Variants in RIC3 observed in about 807,000 individuals in gnomAD.
The protein encoded by RIC3 is protein RIC-3.
In RIC3, 28 loss-of-function variants were observed where a neutral mutation model predicts 27.3. That is an observed-to-expected ratio of 1.02 (90% CI 0.76 to 1.41). The LOEUF is 1.41. RIC3 is among the 40% of genes most tolerant of loss of function. The probability of loss-of-function intolerance (pLI) is 0.00; values close to 1 mark genes in which losing one functional copy is unlikely to be tolerated. For synonymous variants in RIC3, 184 were observed against 160.4 expected, an observed-to-expected ratio of 1.15 and a Z score of -1.11; for missense variants, 501 against 444.7, an observed-to-expected ratio of 1.13 and a Z score of -1.14.
chr11:8,132,369 C>T (rs1045401232), intron 4 of RIC3, among the ~76,000 whole-genome samples: 1 of 152,186 alleles, frequency 6.6e-6, no homozygotes, highest in Non-Finnish European at 1.5e-5. Context: ...TCGTTACATT[C>T]CTCCTCAAAA....
chr11:8,130,287 A>G (rs1947533342), intron 4 of RIC3, among the ~76,000 whole-genome samples: 1 of 152,170 alleles, frequency 6.6e-6, no homozygotes, highest in Non-Finnish European at 1.5e-5. Flanking sequence ...GGCCAACTGT[A>G]CTTTTGGACC....
intron 4 of RIC3, among the ~76,000 whole-genome samples, chr11:8,127,405 A>G (rs1373556171): frequency 6.6e-6 from 1 of 152,214 alleles, no homozygotes. Context: ...TTGTTTATAT[A>G]TTCATACTGC....
downstream of RIC3, chr11:8,101,630 G>A (rs149559720): frequency 2.7e-3 from 4,372 of 1,613,822 alleles, 12 homozygotes; most frequent in Non-Finnish European, 3.0e-3. Context: ...AGGCCTCTTC[G>A]TGCCCTTTGG....
intron 1 of RIC3, among the ~76,000 whole-genome samples, chr11:8,159,069 C>T (rs77763969): frequency 0.047 from 7,145 of 151,074 alleles, 262 homozygotes; most frequent in African/African-American, 0.1. Context: ...AGACAATAAA[C>T]AAGATAATGA....
chr11:8,148,515 T>C (rs1331294070), intron 1 of RIC3, among the ~76,000 whole-genome samples: 1 of 152,190 alleles, frequency 6.6e-6, no homozygotes, highest in Non-Finnish European at 1.5e-5. Context: ...GTGTTGAGAA[T>C]ACTATCTTCA....
At chr11:8,135,499 G>GT (rs1948282183) in intron 4 of RIC3, 2 of 152,204 alleles carry the variant, frequency 1.3e-5, no homozygotes, top group South Asian at 2.1e-4. Flanking sequence ...CTTTAAAGTA[G>GT]TTTTTTCCAA....
rs368642977 is a variant in RIC3 at position 8,110,664 on chromosome 11, G to T, written c.*34C>A. On this transcript the variant is annotated 3_prime_UTR_variant, in exon 6 of 6. Coordinates refer to ENST00000309737, the MANE Select transcript of RIC3 (RefSeq NM_001206671.4). Reference sequence around the variant, plus strand: ...TCTGAGGAGAGAGAGGTCACCTTGGGACTTGAGTAATGGATACTTCAGACT... The same window carrying T: ...TCTGAGGAGAGAGAGGTCACCTTGGTACTTGAGTAATGGATACTTCAGACT... The T allele has an allele frequency of 1.9e-5, 30 of 1,589,720 alleles. No homozygotes were observed. The African/African-American group carries it at 2.3e-4, about 12-fold the overall frequency.
chr11:8,138,471 G>C, intron 2 of RIC3, 124 bp from the exon 3 acceptor site: 1 of 560,788 alleles, frequency 1.8e-6, no homozygotes, highest in Admixed American at 3.0e-5. Flanking sequence ...AAATCAAATA[G>C]CAACACTAGA....
Position 8,140,044 on chromosome 11 carries a change from C to T in RIC3, c.274G>A (p.Gly92Arg), listed in dbSNP as rs1413264607. The change falls in exon 2 of 6, where the codon GGA becomes AGA. Residue 92 changes from glycine to arginine, a missense_variant. Gly to Arg is a moderately radical substitution (Grantham distance 125). Transcript: ENST00000309737. ...SGGGAGGGGS[G>R]RGLMGQIIPI... ...ATAATCTGCCCCATCAGACCTCTTC[C>T]ACTACCTCCTCCTCCAGCACCTCCA... 1 of 1,614,058 alleles carries T rather than the reference C, an allele frequency of 6.2e-7. No homozygotes were observed. Among genetic ancestry groups the T allele is most frequent in the Non-Finnish European group, 8.5e-7 (1 of 1,180,020 alleles).
chr11:8,149,931 G>C (rs866553863), intron 1 of RIC3, among the ~76,000 whole-genome samples: 7 of 152,112 alleles, frequency 4.6e-5, no homozygotes, highest in African/African-American at 1.7e-4. Context: ...AATGGTTCTG[G>C]CTGGTCTACA....
intron 1 of RIC3, among the ~76,000 whole-genome samples, chr11:8,162,252 T>C (rs1179053727): frequency 6.6e-6 from 1 of 152,208 alleles, no homozygotes; most frequent in African/African-American, 2.4e-5. Flanking sequence ...ACAGGGTCTT[T>C]TCATTTACAC....
intron 4 of RIC3, among the ~76,000 whole-genome samples, chr11:8,131,937 T>C (rs1362456200): frequency 3.4e-5 from 5 of 149,166 alleles, no homozygotes; most frequent in Non-Finnish European, 7.4e-5. Context: ...AGAATAGGTA[T>C]TCTAATTCAA....
chr11:8,157,860 G>GA (rs1950806935), intron 1 of RIC3, among the ~76,000 whole-genome samples: 1 of 152,122 alleles, frequency 6.6e-6, no homozygotes, highest in African/African-American at 2.4e-5. Context: ...TTCTAAACTT[G>GA]AAAAAATGCC....
intron 1 of RIC3, among the ~76,000 whole-genome samples, chr11:8,155,055 C>T (rs550514541): frequency 9.2e-5 from 14 of 151,838 alleles, no homozygotes; most frequent in South Asian, 8.4e-4. Flanking sequence ...CTCCTCTCTA[C>T]GAAAAACTTT....
Position 8,108,595 on chromosome 11 carries a change from CAA to C in RIC3, c.*2101_*2102del, listed in dbSNP as rs1280533889. 1 of 152,176 alleles carries C rather than the reference CAA, an allele frequency of 6.6e-6. No individual in the cohort carries two copies. Among genetic ancestry groups the C allele is most frequent in the Non-Finnish European group, 1.5e-5 (1 of 68,042 alleles). The allele number at this position is 152,176 out of a possible 1,614,324, so 9.4% of individuals were successfully genotyped here. A position where few individuals can be genotyped will look rare whatever the true frequency, so the allele number is the denominator to read the frequency against. On this transcript the variant is annotated 3_prime_UTR_variant, in exon 6 of 6. Coordinates refer to ENST00000309737, the MANE Select transcript of RIC3 (RefSeq NM_001206671.4). ...GCTCAGACCAGTTAAGGAGCTGACC[CAA>C]GATTCCACAGCTAGAAAATGCAGGG... is the stretch of plus-strand genomic sequence containing the variant.
rs557053636 is a variant in RIC3, at chr11:8,159,785, G to A, written c.124+9081C>T. On this transcript the variant is annotated intron_variant, in intron 1 of 5. Transcript: ENST00000309737. ...GCAGGCAGATCATCTGAGGTCAAGGGTTCGATACCAGCCTGGCCAACATGG... is the reference window on the plus strand; with the variant it reads ...GCAGGCAGATCATCTGAGGTCAAGGATTCGATACCAGCCTGGCCAACATGG... Among the ~76,000 whole-genome samples, 5 of 152,198 alleles carry A rather than the reference G, an allele frequency of 3.3e-5. No homozygotes were observed. The East Asian group carries it at 9.7e-4, about 29-fold the overall frequency.
chr11:8,141,001 AG>A (rs1362009020), intron 1 of RIC3, among the ~76,000 whole-genome samples: 11 of 149,994 alleles, frequency 7.3e-5, no homozygotes, highest in Non-Finnish European at 1.5e-4. Context: ...TGTCACCACC[AG>A]GCCTGCCCTA....
chr11:8,146,784 T>C (rs4758296), intron 1 of RIC3, among the ~76,000 whole-genome samples: 10,379 of 152,232 alleles, frequency 0.068, 399 homozygotes, highest in South Asian at 0.11. Context: ...TAAAATTTTC[T>C]GGTTGACAAT....
At chr11:8,149,485 T>A (rs2134082448) in intron 1 of RIC3, among the ~76,000 whole-genome samples, 1 of 152,110 alleles carries the variant, frequency 6.6e-6, no homozygotes, top group African/African-American at 2.4e-5. Context: ...ATGAGAAGGG[T>A]ACTTGATGGG....
Sources: allele counts gnomAD v4.1 joint callset (sites outside exome capture counted in the v4.1 genomes callset), GRCh38; gene constraint gnomAD v4.1.1; transcripts MANE v1.5; gene names NCBI Gene and HGNC (gene_info 2026-07-23, HGNC 2026-07-21).